Variants in HDAC9 observed in about 807,000 individuals in gnomAD.
The protein encoded by HDAC9 is histone deacetylase 9.
A neutral mutation model predicts 139.4 loss-of-function variants in HDAC9; 41 were observed. The ratio of observed to expected loss-of-function variants is 0.29; its 90% CI spans 0.23 to 0.38. The LOEUF (loss-of-function observed/expected upper bound fraction) is 0.38. Among genes scored for constraint, HDAC9 ranks in the 10% least tolerant of loss-of-function variants. The pLI is 1.00. For synonymous variants in HDAC9, 517 were observed against 476.2 expected (o/e 1.09, Z -1.12); for missense variants, 1,147 against 1,297.0 (o/e 0.88, Z 1.78).
intron 1 of HDAC9, among the ~76,000 whole-genome samples, chr7:18,434,731 C>A (rs1791012697): frequency 1.3e-5 from 2 of 152,046 alleles, no homozygotes; most frequent in South Asian, 4.2e-4. Context: ...ATTAAAAAGT[C>A]AAAAAATAAC....
rs879521627 is a variant in HDAC9, at chr7:18,383,894, C to CAA, written c.-42+93393_-42+93394dup. 7.5e-5 allele frequency among the ~76,000 whole-genome samples: 7 copies of CAA among 93,088 alleles called. No individual in the cohort carries two copies. The East Asian group carries it at 1.2e-3, about 16-fold the overall frequency. The allele number at this position is 93,088 out of a possible 152,430, so 61.1% of individuals were successfully genotyped here. On this transcript the variant is annotated intron_variant, in intron 1 of 3. Transcript: ENST00000413509. ...ACAGAGCGAGACTCTGACTCCGTCT[C>CAA]AAAAAAAAAAAAAAAGAAAGAACTG...
At position 18,869,147 on chromosome 7, in the gene HDAC9, GGTGTGTGT is replaced by G. The variant is rs58034239; in HGVS notation, c.2685-5298_2685-5291del. ...GGGAAATTCCTGGACTCACAATTGG[GGTGTGTGT>G]GTGTGTGTGTGTGTGTGTGTGTGTG... On this transcript the variant is annotated intron_variant, in intron 21 of 25. Transcript: ENST00000686413. Among the ~76,000 whole-genome samples, 759 of 138,208 alleles carry G rather than the reference GGTGTGTGT, an allele frequency of 5.5e-3. 8 individuals carry two copies. The highest frequency in any genetic ancestry group is 0.017 in the African/African-American group (601 of 36,310). The allele number at this position is 138,208 out of a possible 152,430, so 90.7% of individuals were successfully genotyped here. A position where few individuals can be genotyped will look rare whatever the true frequency, so the allele number is the denominator to read the frequency against.
At chr7:18,540,804 T>G (rs1352776970) in intron 2 of HDAC9, among the ~76,000 whole-genome samples, 4 of 152,184 alleles carry the variant, frequency 2.6e-5, no homozygotes, top group African/African-American at 9.7e-5. Context: ...TGTTTTTAGT[T>G]CAAAAGTATA....
intron 22 of HDAC9, among the ~76,000 whole-genome samples, chr7:18,875,751 A>G (rs1399881801): frequency 1.3e-5 from 2 of 152,172 alleles, no homozygotes; most frequent in African/African-American, 4.8e-5. Flanking sequence ...TTTTTAAAAA[A>G]TTGTTATTAT....
chr7:18,637,331 A>G (rs924607903), intron 8 of HDAC9, among the ~76,000 whole-genome samples: 3 of 152,130 alleles, frequency 2.0e-5, no homozygotes, highest in Non-Finnish European at 4.4e-5. Context: ...ATATTGGAAC[A>G]ACCAGTAAGT....
chr7:18,871,718 A>G (rs548860173), intron 21 of HDAC9, among the ~76,000 whole-genome samples: 11 of 152,238 alleles, frequency 7.2e-5, no homozygotes, highest in African/African-American at 1.7e-4. Context: ...GCATTATTCA[A>G]TCTTTCAGAC....
At chr7:18,612,773 G>A (rs1483289381) in intron 6 of HDAC9, among the ~76,000 whole-genome samples, 1 of 152,074 alleles carries the variant, frequency 6.6e-6, no homozygotes, top group Non-Finnish European at 1.5e-5. Flanking sequence ...TAGTCAGAAA[G>A]AGAATGGAGA....
chr7:18,244,505 G>T (rs754449237), intron 2 of HDAC9, among the ~76,000 whole-genome samples: 3 of 152,132 alleles, frequency 2.0e-5, no homozygotes, highest in Admixed American at 6.5e-5. Flanking sequence ...GTATTGCTTA[G>T]TAAGATGTTG....
At chr7:18,700,642 T>C (rs1783403106) in intron 12 of HDAC9, among the ~76,000 whole-genome samples, 1 of 152,246 alleles carries the variant, frequency 6.6e-6, no homozygotes, top group Non-Finnish European at 1.5e-5. Flanking sequence ...AGGAATCTAC[T>C]GATCAGCTGG....
At chr7:18,751,544 A>T (rs1417551584) in intron 14 of HDAC9, among the ~76,000 whole-genome samples, 1 of 151,994 alleles carries the variant, frequency 6.6e-6, no homozygotes, top group Non-Finnish European at 1.5e-5. Flanking sequence ...CGAAGAAAGT[A>T]TTGCCCATAT....
intron 1 of HDAC9, among the ~76,000 whole-genome samples, chr7:18,470,654 G>GA (rs1046853140): frequency 2.0e-5 from 3 of 151,910 alleles, no homozygotes; most frequent in Non-Finnish European, 4.4e-5. Context: ...TTTTTAGCAG[G>GA]AAAAAAACCA....
In HDAC9 at chr7:18,839,349, C is replaced by T. The variant is rs545529256; in HGVS notation, c.2684+3352C>T. ...ACTCTACAATCTATGCTCCTTTTCT[C>T]ACACCACATTGCTACTCTCTTCTGT... On this transcript the variant is annotated intron_variant, in intron 21 of 25. Coordinates refer to ENST00000686413, the MANE Select transcript of HDAC9 (RefSeq NM_178425.4). Among the ~76,000 whole-genome samples, 6 of 152,116 alleles carry T rather than the reference C, an allele frequency of 3.9e-5. No individual in the cohort carries two copies. The South Asian group carries it at 1.2e-3, about 32-fold the overall frequency.
At chr7:18,754,605 A>G (rs780661528) in intron 14 of HDAC9, among the ~76,000 whole-genome samples, 6 of 152,180 alleles carry the variant, frequency 3.9e-5, no homozygotes, top group Non-Finnish European at 8.8e-5. Context: ...ATTCATAAGT[A>G]AGAACCATAA....
chr7:18,745,729 G>A (rs983399002), intron 13 of HDAC9, among the ~76,000 whole-genome samples: 13 of 151,218 alleles, frequency 8.6e-5, no homozygotes, highest in African/African-American at 2.9e-4. Flanking sequence ...TGTATTTTTA[G>A]TAGAGACGGG....
intron 22 of HDAC9, among the ~76,000 whole-genome samples, chr7:18,921,279 A>G (rs1181450090): frequency 6.6e-6 from 1 of 152,206 alleles, no homozygotes; most frequent in East Asian, 1.9e-4. Flanking sequence ...CGAAACCACC[A>G]TCAGAGTGAA....
chr7:18,390,824 C>T lies in HDAC9; in HGVS notation c.-42+100309C>T, dbSNP rs1013744750. Among the ~76,000 whole-genome samples, 5 of 152,332 alleles carry T rather than the reference C, an allele frequency of 3.3e-5. No homozygotes were observed. The East Asian group carries it at 7.7e-4, about 23-fold the overall frequency. On this transcript the variant is annotated intron_variant, in intron 1 of 3. Coordinates refer to the HDAC9 transcript ENST00000413509. ...TGTGTTTGGGCTGGGCATGGTGGCT[C>T]ACGCCTGTAATCCCAACAGTTTGGG...
intron 22 of HDAC9, among the ~76,000 whole-genome samples, chr7:18,921,106 G>A (rs1255353444): frequency 6.6e-6 from 1 of 152,080 alleles, no homozygotes; most frequent in Non-Finnish European, 1.5e-5. Context: ...AGACTTACAT[G>A]TTAGACCTAA....
chr7:18,211,975 G>C (rs535995707), intron 2 of HDAC9, among the ~76,000 whole-genome samples: 1 of 152,262 alleles, frequency 6.6e-6, no homozygotes, highest in East Asian at 1.9e-4. Flanking sequence ...AGGATAAAGA[G>C]AATTCTTGAG....
intron 16 of HDAC9, among the ~76,000 whole-genome samples, chr7:18,785,633 T>C (rs1419624688): frequency 2.0e-5 from 3 of 152,222 alleles, no homozygotes; most frequent in Non-Finnish European, 4.4e-5. Flanking sequence ...AAAAACATTC[T>C]TGCAGGTCTT....
Sources: gnomAD v4.1 joint callset for allele counts (sites outside exome capture counted in the v4.1 genomes callset) on GRCh38, gnomAD v4.1.1 for gene constraint, MANE v1.5 for transcripts, NCBI Gene and HGNC (gene_info 2026-07-23, HGNC 2026-07-21) for gene names.